The following NTN5 variants were observed in gnomAD, a reference collection of about 807,000 sequenced individuals.
The protein encoded by NTN5 is netrin-5.
NTN5 carries 42 observed loss-of-function variants against 38.7 expected under a neutral mutation model. The ratio of observed to expected loss-of-function variants is 1.08; its 90% CI spans 0.85 to 1.40. NTN5 has a LOEUF of 1.40. Among genes scored for constraint, NTN5 ranks in the 40% most tolerant of loss-of-function variants. The pLI is 0.00. For synonymous variants in NTN5, 329 were observed against 303.9 expected, an observed-to-expected ratio of 1.08 and a Z score of -0.86; for missense variants, 658 against 716.5, an observed-to-expected ratio of 0.92 and a Z score of 0.93.
chr19:48,664,175 T>C lies in NTN5; in HGVS notation c.938A>G (p.Gln313Arg), dbSNP rs2031626925. The change falls in exon 4 of 7, where the codon CAG becomes CGG. Residue 313 changes from glutamine to arginine, a missense_variant. Coordinates refer to ENST00000270235, the MANE Select transcript of NTN5 (RefSeq NM_145807.4). The stretch of plus-strand genomic sequence containing the variant: ...GGGCATCCTGGGGGAGCGGCTCTGC[T>C]GGTAGCCAGGGCCACAGCGGTTGCA... ...LTCNRCGPGY[Q>R]QSRSPRMPCQ... The C allele has an allele frequency of 6.2e-7, 1 of 1,609,096 alleles. No individual in the cohort carries two copies. The highest frequency in any genetic ancestry group is 1.7e-5 in the Admixed American group (1 of 59,082).
chr19:48,669,454 CATG>C (rs1214500698), intron 2 of NTN5, among the ~76,000 whole-genome samples: 1 of 48,268 alleles, frequency 2.1e-5, no homozygotes, highest in Non-Finnish European at 4.3e-5. Flanking sequence ...CCATCACCAC[CATG>C]ACCACCATCA....
intron 2 of NTN5, among the ~76,000 whole-genome samples, chr19:48,669,991 C>T (rs1337926417): frequency 2.4e-5 from 3 of 122,694 alleles, no homozygotes; most frequent in Non-Finnish European, 3.5e-5. Context: ...TCATCACCAC[C>T]ACCATCACCA....
intron 2 of NTN5, chr19:48,667,379 G>T (rs2031732927): frequency 7.1e-6 from 3 of 425,298 alleles, no homozygotes; most frequent in African/African-American, 4.1e-5. Flanking sequence ...TCAGTCTGGG[G>T]GGATGTGGTG....
intron 6 of NTN5, chr19:48,662,953 G>A (rs1443483406): frequency 3.5e-6 from 1 of 289,040 alleles, no homozygotes; most frequent in Non-Finnish European, 6.9e-6. Flanking sequence ...GTCTAGATTT[G>A]TTGGCTGGGC....
intron 3 of NTN5, 102 bp downstream of exon 3, chr19:48,664,477 C>T: frequency 7.4e-7 from 1 of 1,344,522 alleles, no homozygotes; most frequent in South Asian, 1.5e-5. Flanking sequence ...AGCCCCTCCT[C>T]CCTCAGATCC....
chr19:48,672,385 C>T (rs972842778), intron 1 of NTN5, among the ~76,000 whole-genome samples: 13 of 152,184 alleles, frequency 8.5e-5, no homozygotes, highest in Non-Finnish European at 1.0e-4. Flanking sequence ...TCTGAATCTG[C>T]GCCCAGGAAT....
intron 2 of NTN5, 41 bp from the exon 3 acceptor site, chr19:48,664,808 T>C: frequency 6.8e-7 from 1 of 1,470,480 alleles, no homozygotes; most frequent in Non-Finnish European, 9.1e-7. Flanking sequence ...GGGCCGAGTG[T>C]GCTGCTCCCC....
intron 1 of NTN5, among the ~76,000 whole-genome samples, chr19:48,671,953 C>A (rs990418848): frequency 1.3e-5 from 2 of 152,000 alleles, no homozygotes; most frequent in Non-Finnish European, 2.9e-5. Context: ...CAGTGGGATC[C>A]CCATGGGGTC....
chr19:48,671,097 C>G (rs561304946), intron 1 of NTN5, 91 bp from the exon 2 acceptor site: 1 of 931,384 alleles, frequency 1.1e-6, no homozygotes, highest in Non-Finnish European at 1.5e-6. Flanking sequence ...CATTCCACCC[C>G]CAACCCGTCC....
chr19:48,671,073 C>T (rs879809383), intron 1 of NTN5, 67 bp from the exon 2 acceptor site: 10 of 1,265,470 alleles, frequency 7.9e-6, no homozygotes, highest in Middle Eastern at 2.6e-4. Context: ...TGGAGGTGTC[C>T]TGTGGAACTG....
At chr19:48,663,668 A>C in intron 5 of NTN5, 93 bp downstream of exon 5, 6 of 1,510,736 alleles carry the variant, frequency 4.0e-6, no homozygotes, top group Middle Eastern at 1.9e-4. Context: ...GACTGGGCTC[A>C]ATGGGTGACC....
Position 48,670,764 on chromosome 19 carries a change from G to C in NTN5, c.223C>G (p.Leu75Val). Residue 75 changes from leucine to valine, a missense_variant, in exon 2 of 7, where the codon CTG (leucine) becomes GTG (valine). By Grantham distance (32) the Leu-to-Val change is conservative. Transcript: ENST00000270235. Reference sequence around the variant, plus strand: ...CAGAAGCGCAAGCTGACAGATGTCAGGAGGAAGGGGCCACCCAGGGCCAAA... The same window carrying C: ...CAGAAGCGCAAGCTGACAGATGTCACGAGGAAGGGGCCACCCAGGGCCAAA... ...LTLALGGPFL[L>V]TSVSLRFCTP... 6.2e-7 allele frequency: 1 copy of C among 1,613,092 alleles called. No homozygotes were observed. Among genetic ancestry groups the C allele is most frequent in the Non-Finnish European group, 8.5e-7 (1 of 1,179,938 alleles).
At chr19:48,665,059 C>G (rs1214366861) in intron 2 of NTN5, among the ~76,000 whole-genome samples, 1 of 151,342 alleles carries the variant, frequency 6.6e-6, no homozygotes, top group Non-Finnish European at 1.5e-5. Flanking sequence ...ACTACAGGCA[C>G]GTGCCACCAC....
intron 6 of NTN5, chr19:48,662,827 C>T (rs1164059951): frequency 6.0e-6 from 1 of 166,580 alleles, no homozygotes; most frequent in Admixed American, 5.8e-5. Context: ...CAGGAGATCC[C>T]TGTGGAAGGT....
chr19:48,663,360 C>T, intron 6 of NTN5, 103 bp downstream of exon 6: 1 of 1,008,292 alleles, frequency 9.9e-7, no homozygotes. Context: ...AACACTCCTT[C>T]CCATTTAAGA....
chr19:48,661,881 G>A lies in NTN5; in HGVS notation c.1266C>T (p.Arg422=). The A allele has an allele frequency of 7.4e-7, 1 of 1,348,366 alleles. No individual in the cohort carries two copies. The allele number at this position is 1,348,366 out of a possible 1,614,324, so 83.5% of individuals were successfully genotyped here. A position where few individuals can be genotyped will look rare whatever the true frequency, so the allele number is the denominator to read the frequency against. ...GCAGGTAGTCGGTGCCTGGCTGCAG[G>A]CGCAGGCAGCCGCAGGTCAGGTCGG... ...PRADLTCGCL[R]LQPGTDYLLL... is the part of the protein sequence containing the mutation. The change falls in exon 7 of 7, where the codon CGC becomes CGT. Residue 422 remains arginine (R), a synonymous_variant. Coordinates refer to ENST00000270235, the MANE Select transcript of NTN5 (RefSeq NM_145807.4).
Position 48,661,946 on chromosome 19 carries a change from G to A in NTN5, c.1201C>T (p.Pro401Ser). 1 of 1,426,528 alleles carries A rather than the reference G, an allele frequency of 7.0e-7. No individual in the cohort carries two copies. Among genetic ancestry groups the A allele is most frequent in the Non-Finnish European group, 9.1e-7 (1 of 1,097,144 alleles). The allele number at this position is 1,426,528 out of a possible 1,614,324, so 88.4% of individuals were successfully genotyped here. A position where few individuals can be genotyped will look rare whatever the true frequency, so the allele number is the denominator to read the frequency against. The change falls in exon 7 of 7, where the codon CCC (proline) becomes TCC (serine). Residue 401 changes from proline (P) to serine (S), a missense_variant. Coordinates refer to ENST00000270235, the MANE Select transcript of NTN5 (RefSeq NM_145807.4). ...VLAVYKQRAQ[P>S]VRRGDQDAWV... ...GCGTCCTGGTCGCCGCGTCGCACGG[G>A]CTGCGCCCGCTGCTTGTAAACGGCC...
At chr19:48,672,504 G>A (rs753956268) in intron 1 of NTN5, among the ~76,000 whole-genome samples, 4 of 152,164 alleles carry the variant, frequency 2.6e-5, no homozygotes, top group Admixed American at 2.6e-4. Context: ...ACATGCAGAC[G>A]CTGCCTCCCC....
chr19:48,661,881 G>GCGCAGGCAGC lies in NTN5; in HGVS notation c.1256_1265dup (p.Gln424ProfsTer90). 4.4e-6 allele frequency: 6 copies of GCGCAGGCAGC among 1,348,366 alleles called. No homozygotes were observed. Among genetic ancestry groups the GCGCAGGCAGC allele is most frequent in the Non-Finnish European group, 5.7e-6 (6 of 1,052,362 alleles). The allele number at this position is 1,348,366 out of a possible 1,614,324, so 83.5% of individuals were successfully genotyped here. On this transcript the variant is annotated frameshift_variant, in exon 7 of 7. Coordinates refer to ENST00000270235, the MANE Select transcript of NTN5 (RefSeq NM_145807.4). LOFTEE classifies it low-confidence loss of function (END_TRUNC). ...GCAGGTAGTCGGTGCCTGGCTGCAG[G>GCGCAGGCAGC]CGCAGGCAGCCGCAGGTCAGGTCGG... is the stretch of plus-strand genomic sequence containing the variant.
Sources: gnomAD v4.1 joint callset for allele counts (sites outside exome capture counted in the v4.1 genomes callset) on GRCh38, gnomAD v4.1.1 for gene constraint, MANE v1.5 for transcripts, NCBI Gene and HGNC (gene_info 2026-07-23, HGNC 2026-07-21) for gene names.